UIMC1: variants seen among roughly 807,000 people sequenced by gnomAD.
UIMC1 encodes the protein BRCA1-A complex subunit RAP80.
A neutral mutation model predicts 84.9 loss-of-function variants in UIMC1; 42 were observed. The ratio of observed to expected loss-of-function variants is 0.49; its 90% CI spans 0.39 to 0.64. The LOEUF (loss-of-function observed/expected upper bound fraction) is 0.64, where lower values mean the gene tolerates loss of function less well. Ranked by LOEUF, UIMC1 falls within the 30% of genes least tolerant of loss-of-function variation. The pLI is 0.00. For synonymous variants in UIMC1, 281 were observed against 293.0 expected (o/e 0.96, Z 0.42); for missense variants, 825 against 847.6 (o/e 0.97, Z 0.33).
At position 176,928,722 on chromosome 5, in the gene UIMC1, T is replaced by C. The variant is rs965685865; in HGVS notation, c.1597+14613A>G. Among the ~76,000 whole-genome samples, 6 of 151,396 alleles carry C rather than the reference T, an allele frequency of 4.0e-5. No homozygotes were observed. In the South Asian group the frequency reaches 1.0e-3, roughly 26 times the overall value. ...ATCCCAGCACTTTGGGAGGCTGAGG[T>C]GGGCGGATCACGAGGTCAGGAGATC... On this transcript the variant is annotated intron_variant, in intron 10 of 14. Transcript: ENST00000511320.
At chr5:176,920,486 A>T (rs1171410797) in intron 10 of UIMC1, among the ~76,000 whole-genome samples, 1 of 152,178 alleles carries the variant, frequency 6.6e-6, no homozygotes, top group African/African-American at 2.4e-5. Flanking sequence ...ATTCTCAGAG[A>T]AGTTTTTTAT....
intron 9 of UIMC1, among the ~76,000 whole-genome samples, chr5:176,946,302 A>G (rs577650067): frequency 3.3e-4 from 50 of 152,308 alleles, no homozygotes; most frequent in East Asian, 2.1e-3. Flanking sequence ...ACAGGAGGCC[A>G]GGAGTTCAAA....
intron 1 of UIMC1, among the ~76,000 whole-genome samples, chr5:177,000,376 G>A (rs62398699): frequency 0.13 from 19,773 of 152,004 alleles, 1,665 homozygotes; most frequent in East Asian, 0.19. Context: ...TTCCTATTAC[G>A]TGTTTTTGGA....
At position 176,958,074 on chromosome 5, in the gene UIMC1, G is replaced by C. The variant is rs746354185; in HGVS notation, c.1262+19C>G. 9 of 1,612,350 alleles carry C rather than the reference G, an allele frequency of 5.6e-6. No homozygotes were observed. Among genetic ancestry groups the C allele is most frequent in the Admixed American group, 1.7e-5 (1 of 59,920 alleles). On this transcript the variant is annotated intron_variant, in intron 7 of 14. Transcript: ENST00000511320. ...GGCAACCATCAGAGGAGAATGCATA[G>C]CAACATATAATCTCTCACCTTTGTG...
intron 10 of UIMC1, among the ~76,000 whole-genome samples, chr5:176,912,598 G>A (rs1760381942): frequency 2.6e-5 from 4 of 150,972 alleles, no homozygotes; most frequent in South Asian, 4.2e-4. Context: ...TCAGCCTCCC[G>A]AGTAGTTAGG....
chr5:176,915,097 T>C (rs1195893121), intron 10 of UIMC1, among the ~76,000 whole-genome samples: 1 of 152,182 alleles, frequency 6.6e-6, no homozygotes, highest in Admixed American at 6.6e-5. Flanking sequence ...CAGATAGGGA[T>C]GGAAAAAGAA....
At chr5:176,983,086 G>A (rs1384865141) in intron 1 of UIMC1, among the ~76,000 whole-genome samples, 2 of 152,092 alleles carry the variant, frequency 1.3e-5, no homozygotes, top group African/African-American at 4.8e-5. Context: ...TGCCCGCCTT[G>A]GCCTCCCAAA....
intron 7 of UIMC1, 133 bp from the exon 8 acceptor site, chr5:176,956,168 T>C (rs1016817773): frequency 1.5e-5 from 11 of 712,984 alleles, no homozygotes; most frequent in African/African-American, 9.0e-5. Flanking sequence ...AAAAGCACAA[T>C]AGGAAAGCAA....
intron 6 of UIMC1, among the ~76,000 whole-genome samples, chr5:176,967,319 A>G (rs957981862): frequency 1.3e-4 from 20 of 152,100 alleles, no homozygotes; most frequent in Non-Finnish European, 1.8e-4. Context: ...GAAATTCTTT[A>G]TATACTGTTA....
At chr5:176,987,375 G>A (rs1342336824) in intron 1 of UIMC1, among the ~76,000 whole-genome samples, 1 of 152,124 alleles carries the variant, frequency 6.6e-6, no homozygotes, top group African/African-American at 2.4e-5. Context: ...GCTGGGCACA[G>A]TGGCTCATGT....
At chr5:177,022,497 C>A (rs1775912763) in exon 1 of UIMC1, 1 of 495,426 alleles carries the variant, frequency 2.0e-6, no homozygotes, top group East Asian at 3.6e-5. Flanking sequence ...GCCAAAACCA[C>A]ACGAGCCTCT....
At chr5:176,981,371 C>T (rs955544743) in intron 2 of UIMC1, among the ~76,000 whole-genome samples, 2 of 152,028 alleles carry the variant, frequency 1.3e-5, no homozygotes, top group African/African-American at 4.8e-5. Flanking sequence ...GTCTCGATCT[C>T]CTGACCTTGT....
At chr5:176,906,166 C>A in intron 13 of UIMC1, 119 bp from the exon 14 acceptor site, 1 of 887,152 alleles carries the variant, frequency 1.1e-6, no homozygotes, top group Non-Finnish European at 1.8e-6. Flanking sequence ...ATCCAGGTAG[C>A]ACAGATCCCC....
chr5:176,984,184 C>T (rs1348730535), intron 1 of UIMC1, among the ~76,000 whole-genome samples: 8 of 136,984 alleles, frequency 5.8e-5, no homozygotes, highest in African/African-American at 1.7e-4. Context: ...TCTGCCCGGC[C>T]GCCCCGAATG....
At chr5:176,969,422 G>C in intron 5 of UIMC1, 131 bp from the exon 6 acceptor site, 2 of 1,403,450 alleles carry the variant, frequency 1.4e-6, no homozygotes, top group Non-Finnish European at 1.9e-6. Flanking sequence ...CCAAATGTTG[G>C]TTTTTCCTTG....
intron 2 of UIMC1, among the ~76,000 whole-genome samples, chr5:176,980,492 C>T (rs959337431): frequency 6.6e-6 from 1 of 151,670 alleles, no homozygotes; most frequent in Non-Finnish European, 1.5e-5. Context: ...ATTTTTTTTC[C>T]GAGGACACAG....
intron 10 of UIMC1, among the ~76,000 whole-genome samples, chr5:176,928,509 T>C (rs868150217): frequency 6.6e-6 from 1 of 152,360 alleles, no homozygotes; most frequent in South Asian, 2.1e-4. Flanking sequence ...TTGACTCTTC[T>C]GTAAATTAAA....
At chr5:176,905,897 C>A in intron 14 of UIMC1, 114 bp downstream of exon 14, 1 of 1,150,322 alleles carries the variant, frequency 8.7e-7, no homozygotes, top group Non-Finnish European at 1.3e-6. Context: ...ATAATAGTTC[C>A]ACAGTGATTT....
chr5:176,996,361 G>T (rs761153743), intron 1 of UIMC1, among the ~76,000 whole-genome samples: 56 of 152,110 alleles, frequency 3.7e-4, no homozygotes, highest in Non-Finnish European at 2.9e-4. Context: ...GATTGTGGAG[G>T]TGATTACACA....
Sources: gnomAD v4.1 joint callset for allele counts (sites outside exome capture counted in the v4.1 genomes callset) on GRCh38, gnomAD v4.1.1 for gene constraint, MANE v1.5 for transcripts, NCBI Gene and HGNC (gene_info 2026-07-23, HGNC 2026-07-21) for gene names.